The following SAMD5 variants were observed in gnomAD, a reference collection of about 807,000 sequenced individuals.
SAMD5 encodes the protein sterile alpha motif domain-containing protein 5.
SAMD5 carries 13 observed loss-of-function variants against 11.3 expected under a neutral mutation model. That is an observed-to-expected ratio of 1.15 (90% CI 0.75 to 1.83). The LOEUF is 1.83. Ranked by LOEUF, SAMD5 falls within the 40% of genes most tolerant of loss-of-function variation. SAMD5 has a pLI of 0.00. For synonymous variants in SAMD5, 129 were observed against 111.3 expected (o/e 1.16, Z -1.00); for missense variants, 255 against 239.1 (o/e 1.07, Z -0.44).
chr6:147,520,220 C>G (rs142279466), intron 1 of SAMD5, among the ~76,000 whole-genome samples: 1 of 150,580 alleles, frequency 6.6e-6, no homozygotes, highest in South Asian at 2.1e-4. Flanking sequence ...AAGGTTCAAG[C>G]GATTCTCCTG....
At chr6:147,640,785 G>A (rs901260556) in intron 1 of SAMD5, among the ~76,000 whole-genome samples, 2 of 152,160 alleles carry the variant, frequency 1.3e-5, no homozygotes, top group Admixed American at 1.3e-4. Flanking sequence ...AAGTTGCCAA[G>A]CCAAACAGCC....
the SAMD5 span, among the ~76,000 whole-genome samples, chr6:147,847,337 C>T: frequency 6.2e-3 from 951 of 152,276 alleles, 14 homozygotes; most frequent in African/African-American, 0.021. Flanking sequence ...AAGTACACCA[C>T]GCACGTTGTT....
chr6:147,912,061 C>T, the SAMD5 span, among the ~76,000 whole-genome samples: 43 of 152,224 alleles, frequency 2.8e-4, no homozygotes, highest in Admixed American at 1.4e-3. Flanking sequence ...CCTGATGCAC[C>T]GTTACTTCTC....
At chr6:147,910,689 C>G in the SAMD5 span, among the ~76,000 whole-genome samples, 5 of 152,134 alleles carry the variant, frequency 3.3e-5, 1 homozygote, top group Non-Finnish European at 7.4e-5. Context: ...TACGGTGGAG[C>G]TCTGTCATGC....
chr6:147,743,183 G>A, the SAMD5 span: 1 of 152,076 alleles, frequency 6.6e-6, no homozygotes, highest in Non-Finnish European at 1.5e-5. Context: ...CTGAATTTGG[G>A]GTTATGGTTT....
At chr6:147,777,045 C>G in the SAMD5 span, among the ~76,000 whole-genome samples, 35 of 152,292 alleles carry the variant, frequency 2.3e-4, no homozygotes, top group African/African-American at 8.2e-4. Flanking sequence ...AGCACCCTGT[C>G]CCCTATTTTC....
At chr6:147,731,439 G>A (rs1791711662) in intron 1 of SAMD5, among the ~76,000 whole-genome samples, 1 of 152,112 alleles carries the variant, frequency 6.6e-6, no homozygotes, top group Non-Finnish European at 1.5e-5. Context: ...CTCATGGGCT[G>A]CTGTGATGGA....
the SAMD5 span, among the ~76,000 whole-genome samples, chr6:147,876,706 G>C: frequency 1.2e-3 from 190 of 152,324 alleles, 3 homozygotes; most frequent in East Asian, 0.022. Flanking sequence ...AGAGAATAGT[G>C]ATGTCTTCAT....
At chr6:147,682,817 G>A (rs1350560887) in intron 1 of SAMD5, among the ~76,000 whole-genome samples, 1 of 152,018 alleles carries the variant, frequency 6.6e-6, no homozygotes, top group East Asian at 1.9e-4. Flanking sequence ...ATATATAGTT[G>A]ATGTCTTTGT....
At chr6:147,778,027 T>C in the SAMD5 span, among the ~76,000 whole-genome samples, 155 of 152,340 alleles carry the variant, frequency 1.0e-3, 1 homozygote, top group South Asian at 0.013. Flanking sequence ...ATTTTTAACT[T>C]TTTTAAAGGA....
At chr6:147,644,167 T>C (rs1562341270) in intron 1 of SAMD5, among the ~76,000 whole-genome samples, 1 of 152,132 alleles carries the variant, frequency 6.6e-6, no homozygotes, top group South Asian at 2.1e-4. Flanking sequence ...CCTAGAAGTG[T>C]CTGCTCCTGA....
the SAMD5 span, among the ~76,000 whole-genome samples, chr6:147,901,769 A>G: frequency 6.6e-6 from 1 of 152,164 alleles, no homozygotes; most frequent in Non-Finnish European, 1.5e-5. Context: ...CTAAGACTTC[A>G]TGTTATACTT....
At chr6:147,587,352 C>T (rs1477737610) in intron 1 of SAMD5, among the ~76,000 whole-genome samples, 1 of 152,084 alleles carries the variant, frequency 6.6e-6, no homozygotes, top group Non-Finnish European at 1.5e-5. Flanking sequence ...GTTCTCCTAT[C>T]TCAGCCTCCC....
At chr6:147,882,258 T>C in the SAMD5 span, among the ~76,000 whole-genome samples, 11 of 152,294 alleles carry the variant, frequency 7.2e-5, no homozygotes, top group East Asian at 1.7e-3. Context: ...TCCAAGAATA[T>C]ATTTATTATC....
chr6:147,575,377 C>G (rs1789203949), intron 1 of SAMD5, among the ~76,000 whole-genome samples: 1 of 152,228 alleles, frequency 6.6e-6, no homozygotes, highest in Non-Finnish European at 1.5e-5. Flanking sequence ...GTAACTCATT[C>G]TTTTCTCAAA....
chr6:147,924,777 TATAAATAAATAA>T, the SAMD5 span, among the ~76,000 whole-genome samples: 5,424 of 147,164 alleles, frequency 0.037, 329 homozygotes, highest in African/African-American at 0.12. Context: ...TTAATTTTGT[TATAAATAAATAA>T]ATAAATAAAT....
the SAMD5 span, among the ~76,000 whole-genome samples, chr6:147,935,088 C>T: frequency 1.3e-5 from 2 of 152,158 alleles, no homozygotes; most frequent in South Asian, 4.1e-4. Context: ...TGTGATTTAG[C>T]AAACGTACAG....
the SAMD5 span, among the ~76,000 whole-genome samples, chr6:147,835,598 T>C: frequency 1.3e-5 from 2 of 152,108 alleles, no homozygotes; most frequent in South Asian, 4.1e-4. Flanking sequence ...TGCCATGCCA[T>C]TTCTGTTTAC....
chr6:147,601,299 A>G (rs1412506660), intron 1 of SAMD5, among the ~76,000 whole-genome samples: 1 of 152,126 alleles, frequency 6.6e-6, no homozygotes, highest in South Asian at 2.1e-4. Context: ...TAGATTATAA[A>G]TGTACCTTAT....
Sources: allele counts gnomAD v4.1 joint callset (sites outside exome capture counted in the v4.1 genomes callset), GRCh38; gene constraint gnomAD v4.1.1; transcripts MANE v1.5; gene names NCBI Gene and HGNC (gene_info 2026-07-23, HGNC 2026-07-21).